Variants in SULF1 observed in about 807,000 individuals in gnomAD.
SULF1 encodes sulfatase 1, also known as extracellular sulfatase Sulf-1.
In SULF1, 46 loss-of-function variants were observed where a neutral mutation model predicts 110.5. That is an observed-to-expected ratio of 0.42 (90% CI 0.33 to 0.53). The LOEUF (loss-of-function observed/expected upper bound fraction) is 0.53, where lower values mean the gene tolerates loss of function less well. Ranked by LOEUF, SULF1 falls within the 20% of genes least tolerant of loss-of-function variation. SULF1 has a pLI of 0.12. For missense variants in SULF1, 941 were observed against 1,094.2 expected, an observed-to-expected ratio of 0.86 and a Z score of 1.98; for synonymous variants, 371 against 387.1, an observed-to-expected ratio of 0.96 and a Z score of 0.49.
At chr8:69,625,967 A>G (rs12156361) in intron 15 of SULF1, 29,655 of 152,238 alleles carry the variant, frequency 0.19, 3,482 homozygotes, top group Middle Eastern at 0.3. Flanking sequence ...TTAGTTAGTT[A>G]CAGAGTTTTG....
At chr8:69,539,100 T>G (rs1271073254) in intron 3 of SULF1, among the ~76,000 whole-genome samples, 2 of 152,194 alleles carry the variant, frequency 1.3e-5, no homozygotes, top group East Asian at 3.9e-4. Context: ...CATCTGCCAG[T>G]GAATTCTTCC....
At position 69,601,834 on chromosome 8, in the gene SULF1, G is replaced by A. The variant is rs780683006; in HGVS notation, c.1061+5G>A. ...AAGTGTAGAACCAGGATCAATGTAC[G>A]TATTTCTCTGTTTGCAACATTCAAC... On this transcript the variant is annotated splice_donor_5th_base_variant and intron_variant, in intron 10 of 22. Transcript: ENST00000402687. 3.5e-5 allele frequency: 56 copies of A among 1,597,976 alleles called. No homozygotes were observed. Among genetic ancestry groups the A allele is most frequent in the Non-Finnish European group, 4.4e-5 (51 of 1,171,476 alleles).
chr8:69,596,895 T>C (rs569801021), intron 8 of SULF1, among the ~76,000 whole-genome samples: 217 of 152,288 alleles, frequency 1.4e-3, no homozygotes, highest in Non-Finnish European at 2.2e-3. Flanking sequence ...CAGAAATCTC[T>C]TAACCCCTAC....
At chr8:69,649,731 T>C (rs1476176383) in intron 22 of SULF1, among the ~76,000 whole-genome samples, 1 of 152,162 alleles carries the variant, frequency 6.6e-6, no homozygotes, top group Non-Finnish European at 1.5e-5. Context: ...GAATACCACA[T>C]ATTGTGCTCT....
chr8:69,515,900 CA>C (rs1366338360), intron 3 of SULF1, among the ~76,000 whole-genome samples: 1 of 152,170 alleles, frequency 6.6e-6, no homozygotes, highest in Non-Finnish European at 1.5e-5. Context: ...GGCCTTTACT[CA>C]AGTTCTGAAT....
At chr8:69,470,884 A>G (rs1256445396) in intron 1 of SULF1, among the ~76,000 whole-genome samples, 1 of 151,972 alleles carries the variant, frequency 6.6e-6, no homozygotes, top group East Asian at 1.9e-4. Flanking sequence ...CAGCATCTCT[A>G]CTTTCTAGCC....
At chr8:69,488,885 G>A (rs541786647), upstream of SULF1, among the ~76,000 whole-genome samples, 6 of 152,178 alleles carry the variant, frequency 3.9e-5, no homozygotes, top group South Asian at 1.2e-3. Flanking sequence ...AAGAGAATGC[G>A]GTGCCCTGAG....
chr8:69,600,576 G>A (rs762451320), intron 8 of SULF1, 27 bp from the exon 9 acceptor site: 1 of 1,584,858 alleles, frequency 6.3e-7, no homozygotes, highest in East Asian at 2.2e-5. Flanking sequence ...GAAATATATA[G>A]TAAGATTCCT....
chr8:69,611,967 A>G (rs980424203), intron 13 of SULF1, among the ~76,000 whole-genome samples: 1 of 152,102 alleles, frequency 6.6e-6, no homozygotes, highest in Non-Finnish European at 1.5e-5. Flanking sequence ...TGTATACTAT[A>G]CCCAGTTTGT....
At chr8:69,613,302 G>GTTTTTTTTTTTTTTTTTTT (rs368550157) in intron 13 of SULF1, among the ~76,000 whole-genome samples, 1 of 111,160 alleles carries the variant, frequency 9.0e-6, no homozygotes, top group Non-Finnish European at 1.8e-5. Context: ...TACAGATTTG[G>GTTTTTTTTTTTTTTTTTTT]TTTTTTTTTT....
intron 3 of SULF1, among the ~76,000 whole-genome samples, chr8:69,548,630 T>G (rs575510449): frequency 2.1e-3 from 322 of 149,860 alleles, no homozygotes; most frequent in Non-Finnish European, 3.8e-3. Context: ...TTTTTTTTTT[T>G]TTGTATTTTT....
intron 13 of SULF1, among the ~76,000 whole-genome samples, chr8:69,618,008 CT>C (rs1809311928): frequency 2.0e-5 from 3 of 152,304 alleles, no homozygotes; most frequent in African/African-American, 7.2e-5. Flanking sequence ...TGGAATCCAG[CT>C]GCAAAACTGT....
At chr8:69,554,943 C>T (rs1424980103) in intron 3 of SULF1, among the ~76,000 whole-genome samples, 2 of 132,516 alleles carry the variant, frequency 1.5e-5, no homozygotes, top group Admixed American at 8.7e-5. Context: ...TGCGCCACTG[C>T]ACTCCAGCCT....
intron 15 of SULF1, among the ~76,000 whole-genome samples, chr8:69,625,709 G>A (rs1426240263): frequency 1.3e-5 from 2 of 152,238 alleles, no homozygotes; most frequent in East Asian, 3.8e-4. Flanking sequence ...CATAAAAGCG[G>A]CGTGGACCCA....
intron 1 of SULF1, among the ~76,000 whole-genome samples, chr8:69,477,697 T>C (rs147258844): frequency 6.6e-5 from 10 of 152,146 alleles, no homozygotes; most frequent in Admixed American, 3.9e-4. Context: ...ACTTGGCTAC[T>C]ATTAATAGTG....
rs567101381 is a variant in SULF1 at position 69,483,478 on chromosome 8, G to T, written c.-390-12287G>T. ...GCTACTAAACGGCAGAATTTAGAAG[G>T]ATGCCAAGAGAGAATACTGGAAAGA... is the stretch of plus-strand genomic sequence containing the variant. On this transcript the variant is annotated intron_variant, in intron 1 of 22. Transcript: ENST00000260128. 5.3e-5 allele frequency among the ~76,000 whole-genome samples: 8 copies of T among 152,220 alleles called. No homozygotes were observed. The South Asian group carries it at 1.7e-3, about 32-fold the overall frequency.
chr8:69,603,554 A>G, intron 11 of SULF1, 46 bp from the exon 12 acceptor site: 2 of 1,534,454 alleles, frequency 1.3e-6, no homozygotes, highest in Non-Finnish European at 1.8e-6. Flanking sequence ...ATCCATTTGG[A>G]AAAACGTCCA....
At chr8:69,586,593 A>G (rs1392997704) in intron 7 of SULF1, 85 bp downstream of exon 7, 1 of 1,401,690 alleles carries the variant, frequency 7.1e-7, no homozygotes, top group Non-Finnish European at 9.7e-7. Context: ...AACTATCCAC[A>G]AGATTGGCTT....
chr8:69,498,716 G>A (rs1028143247), intron 2 of SULF1, among the ~76,000 whole-genome samples: 1 of 102,300 alleles, frequency 9.8e-6, no homozygotes, highest in Non-Finnish European at 2.1e-5. Flanking sequence ...TTAATATGTG[G>A]AGGAGAGAAA....
Sources: allele counts gnomAD v4.1 joint callset (sites outside exome capture counted in the v4.1 genomes callset), GRCh38; gene constraint gnomAD v4.1.1; transcripts MANE v1.5; gene names NCBI Gene and HGNC (gene_info 2026-07-23, HGNC 2026-07-21).